Variants in ABCG2 observed in about 807,000 individuals in gnomAD.
ABCG2 encodes the protein broad substrate specificity ATP-binding cassette transporter ABCG2.
A neutral mutation model predicts 73.5 loss-of-function variants in ABCG2; 80 were observed. That is an observed-to-expected ratio of 1.09 (90% CI 0.91 to 1.31). The LOEUF is 1.31. ABCG2 is among the 50% of genes most tolerant of loss of function. The probability of loss-of-function intolerance (pLI) is 0.00; values close to 1 mark genes in which losing one functional copy is unlikely to be tolerated. For missense variants in ABCG2, 796 were observed against 786.2 expected, an observed-to-expected ratio of 1.01 and a Z score of -0.15; for synonymous variants, 269 against 282.4, an observed-to-expected ratio of 0.95 and a Z score of 0.48.
In ABCG2 at chr4:88,211,683, C is replaced by T. The variant is rs140719675; in HGVS notation, c.-20+19311G>A. 4.6e-3 allele frequency among the ~76,000 whole-genome samples: 701 copies of T among 152,248 alleles called. 6 individuals carry two copies. The highest frequency in any genetic ancestry group is 0.016 in the African/African-American group (674 of 41,548). ...CCGCTTACCTTTGCCTTCTGAAGTG[C>T]TGGGATTACAGGCGTGAGCCACTGT... On this transcript the variant is annotated intron_variant, in intron 1 of 15. Transcript: ENST00000515655.
At chr4:88,122,767 G>T (rs1249340458) in intron 5 of ABCG2, among the ~76,000 whole-genome samples, 1 of 152,230 alleles carries the variant, frequency 6.6e-6, no homozygotes, top group East Asian at 1.9e-4. Context: ...CTGCCTGCTG[G>T]CTTTGAAGAC....
Position 88,150,392 on chromosome 4 carries a change from G to A in ABCG2, c.-20+7994C>T, listed in dbSNP as rs13112962. 2.6e-5 allele frequency among the ~76,000 whole-genome samples: 4 copies of A among 152,188 alleles called. 1 individual carries two copies. The South Asian group carries it at 6.2e-4, about 24-fold the overall frequency. ...AGCAGTATATGTCCAAGTGCTGGTC[G>A]AAGGAACAGCAAAGAGGCCAGTGAG... On this transcript the variant is annotated intron_variant, in intron 1 of 15. Transcript: ENST00000237612.
chr4:88,190,690 C>T (rs946310895), intron 1 of ABCG2, among the ~76,000 whole-genome samples: 7 of 152,000 alleles, frequency 4.6e-5, no homozygotes, highest in African/African-American at 7.2e-5. Flanking sequence ...AATGAAAAGA[C>T]GAGCCACAGA....
intron 1 of ABCG2, among the ~76,000 whole-genome samples, chr4:88,169,805 C>T (rs1578252763): frequency 6.6e-6 from 1 of 151,956 alleles, no homozygotes; most frequent in Non-Finnish European, 1.5e-5. Flanking sequence ...ATGTTTGGCA[C>T]TAAAGAAGAG....
chr4:88,187,244 T>C (rs1194008678), intron 1 of ABCG2, among the ~76,000 whole-genome samples: 1 of 152,052 alleles, frequency 6.6e-6, no homozygotes, highest in African/African-American at 2.4e-5. Context: ...ACTGGGTGAT[T>C]ACAGGCAACA....
intron 6 of ABCG2, among the ~76,000 whole-genome samples, chr4:88,120,332 C>A (rs1723883130): frequency 6.6e-6 from 1 of 152,092 alleles, no homozygotes; most frequent in African/African-American, 2.4e-5. Flanking sequence ...CTGCTTAGTG[C>A]AGTAGTGAGA....
chr4:88,121,792 C>T lies in ABCG2; in HGVS notation c.532G>A (p.Val178Ile), dbSNP rs746311704. Residue 178 changes from valine to isoleucine, a missense_variant and splice_region_variant, in exon 6 of 16, where the codon GTT (valine) becomes ATT (isoleucine). Transcript: ENST00000237612. ...LGLDKVADSK[V>I]GTQFIRGVSG... ...ACACCACGGATAAACTGAGTTCCAACCTAAATCACAAATATTATAATTGTC... is the reference window on the plus strand; with the variant it reads ...ACACCACGGATAAACTGAGTTCCAATCTAAATCACAAATATTATAATTGTC... 27 of 1,611,896 alleles carry T rather than the reference C, an allele frequency of 1.7e-5. No individual in the cohort carries two copies. In the East Asian group the frequency reaches 5.1e-4, roughly 31 times the overall value.
At chr4:88,147,881 C>A (rs995426894) in intron 1 of ABCG2, among the ~76,000 whole-genome samples, 1 of 152,168 alleles carries the variant, frequency 6.6e-6, no homozygotes, top group Admixed American at 6.5e-5. Flanking sequence ...TCTAAGAACG[C>A]AGTATGATTA....
At chr4:88,175,897 T>C (rs573435218) in intron 1 of ABCG2, among the ~76,000 whole-genome samples, 18 of 152,332 alleles carry the variant, frequency 1.2e-4, no homozygotes, top group African/African-American at 4.1e-4. Flanking sequence ...AACAAAAATA[T>C]CTGAAGCAAG....
chr4:88,103,167 A>G (rs1722553837), intron 10 of ABCG2, among the ~76,000 whole-genome samples: 1 of 152,230 alleles, frequency 6.6e-6, no homozygotes, highest in Admixed American at 6.5e-5. Context: ...CTTTCTGTAC[A>G]CAAATAAACC....
intron 5 of ABCG2, 63 bp from the exon 6 acceptor site, chr4:88,121,855 T>G: frequency 2.6e-6 from 4 of 1,520,812 alleles, no homozygotes; most frequent in Non-Finnish European, 3.6e-6. Context: ...GGTGAGCTCC[T>G]AACGTGTGCC....
chr4:88,213,620 G>A (rs911749900), intron 1 of ABCG2, among the ~76,000 whole-genome samples: 30 of 151,892 alleles, frequency 2.0e-4, no homozygotes, highest in African/African-American at 6.5e-4. Flanking sequence ...ATATATATGT[G>A]TGTGAATATA....
chr4:88,140,356 A>G (rs1404792616), intron 1 of ABCG2, among the ~76,000 whole-genome samples: 1 of 152,330 alleles, frequency 6.6e-6, no homozygotes, highest in South Asian at 2.1e-4. Flanking sequence ...AAAGCATATT[A>G]TGATATAAGT....
intron 1 of ABCG2, among the ~76,000 whole-genome samples, chr4:88,200,748 G>T (rs999833812): frequency 1.3e-5 from 2 of 152,004 alleles, no homozygotes; most frequent in Non-Finnish European, 2.9e-5. Context: ...TCCTGACCTG[G>T]TGATCCACCT....
chr4:88,143,354 A>G (rs779225159), intron 1 of ABCG2, among the ~76,000 whole-genome samples: 11 of 152,212 alleles, frequency 7.2e-5, no homozygotes, highest in Non-Finnish European at 1.2e-4. Context: ...TTCTACTGCC[A>G]TCCCCATTTG....
At chr4:88,175,862 T>G (rs1307826739) in intron 1 of ABCG2, among the ~76,000 whole-genome samples, 1 of 152,210 alleles carries the variant, frequency 6.6e-6, no homozygotes, top group Non-Finnish European at 1.5e-5. Flanking sequence ...GAAGCATAAT[T>G]TGTATTCTTC....
chr4:88,154,016 G>A (rs915908799), intron 1 of ABCG2, among the ~76,000 whole-genome samples: 1 of 152,196 alleles, frequency 6.6e-6, no homozygotes, highest in African/African-American at 2.4e-5. Flanking sequence ...TGACAGAATA[G>A]AATGGGCCTG....
At chr4:88,182,482 A>T (rs1034446213) in intron 1 of ABCG2, among the ~76,000 whole-genome samples, 1 of 152,224 alleles carries the variant, frequency 6.6e-6, no homozygotes, top group Admixed American at 6.5e-5. Context: ...TTTCTCAAGG[A>T]TAGACCATAT....
At chr4:88,175,727 G>A (rs573450991) in intron 1 of ABCG2, among the ~76,000 whole-genome samples, 6 of 152,140 alleles carry the variant, frequency 3.9e-5, no homozygotes, top group East Asian at 3.8e-4. Flanking sequence ...AGTAGTCTCC[G>A]CGTGCATTCT....
Sources: allele counts gnomAD v4.1 joint callset (sites outside exome capture counted in the v4.1 genomes callset), GRCh38; gene constraint gnomAD v4.1.1; transcripts MANE v1.5; gene names NCBI Gene and HGNC (gene_info 2026-07-23, HGNC 2026-07-21).